Variants in GNPNAT1 observed in about 807,000 individuals in gnomAD.
GNPNAT1 encodes glucosamine-phosphate N-acetyltransferase 1.
GNPNAT1 carries 11 observed loss-of-function variants against 19.8 expected under a neutral mutation model. The observed-to-expected ratio is 0.56, with a 90% CI of 0.35 to 0.92. The LOEUF (loss-of-function observed/expected upper bound fraction) is 0.92, where lower values mean the gene tolerates loss of function less well. Among genes scored for constraint, GNPNAT1 ranks in the 40% least tolerant of loss-of-function variants. The pLI, the probability that GNPNAT1 is intolerant of heterozygous loss-of-function variation, is 0.01. For synonymous variants in GNPNAT1, 71 were observed against 72.3 expected (o/e 0.98, Z 0.09); for missense variants, 157 against 211.0 (o/e 0.74, Z 1.59).
chr14:52,783,741 C>T (rs1882948412), intron 2 of GNPNAT1, among the ~76,000 whole-genome samples: 1 of 152,030 alleles, frequency 6.6e-6, no homozygotes, highest in South Asian at 2.1e-4. Context: ...TATTTATAGA[C>T]CCAGAACATA....
At chr14:52,789,891 G>A (rs1270298520) in intron 1 of GNPNAT1, among the ~76,000 whole-genome samples, 1 of 147,882 alleles carries the variant, frequency 6.8e-6, no homozygotes, top group East Asian at 2.0e-4. Context: ...GCGTTTAGAA[G>A]ACCCGTTTAA....
At chr14:52,789,995 A>G (rs1040023476) in intron 1 of GNPNAT1, among the ~76,000 whole-genome samples, 1 of 124,788 alleles carries the variant, frequency 8.0e-6, no homozygotes, top group Non-Finnish European at 1.8e-5. Context: ...ACAAAAAAAA[A>G]AAAAAAAAAA....
intron 3 of GNPNAT1, among the ~76,000 whole-genome samples, chr14:52,782,506 A>G (rs999117723): frequency 2.6e-5 from 4 of 152,146 alleles, no homozygotes; most frequent in Non-Finnish European, 4.4e-5. Flanking sequence ...CATAGCAAAT[A>G]GGTGCAAAGA....
chr14:52,782,704 A>C (rs1474574820), intron 3 of GNPNAT1, among the ~76,000 whole-genome samples: 1 of 152,110 alleles, frequency 6.6e-6, no homozygotes, highest in East Asian at 1.9e-4. Context: ...GAATGAAAAT[A>C]AACAATGAGA....
intron 1 of GNPNAT1, among the ~76,000 whole-genome samples, chr14:52,786,857 AT>A (rs567085170): frequency 0.028 from 2,730 of 97,804 alleles, 4 homozygotes; most frequent in Non-Finnish European, 0.035. Flanking sequence ...CAGGTTTTGG[AT>A]TTTTTTTTTT....
chr14:52,786,469 G>A (rs1241547144), intron 1 of GNPNAT1, among the ~76,000 whole-genome samples: 1 of 151,926 alleles, frequency 6.6e-6, no homozygotes, highest in Non-Finnish European at 1.5e-5. Flanking sequence ...ACACCATTGC[G>A]TTCCAGCCTG....
At chr14:52,778,517 T>C (rs1594889948) in intron 5 of GNPNAT1, 59 bp from the exon 6 acceptor site, 1 of 1,391,072 alleles carries the variant, frequency 7.2e-7, no homozygotes, top group Non-Finnish European at 9.9e-7. Context: ...AAATTGATTC[T>C]AGTAACAATA....
chr14:52,782,765 A>G (rs946255387), intron 3 of GNPNAT1, among the ~76,000 whole-genome samples: 5 of 152,070 alleles, frequency 3.3e-5, no homozygotes, highest in Admixed American at 6.6e-5. Flanking sequence ...ATTCAATACA[A>G]AATTCCCTAT....
chr14:52,781,901 C>T lies in GNPNAT1; in HGVS notation c.228G>A (p.Glu76=). 2 of 1,605,854 alleles carry T rather than the reference C, an allele frequency of 1.2e-6. No individual in the cohort carries two copies. Among genetic ancestry groups the T allele is most frequent in the Non-Finnish European group, 1.7e-6 (2 of 1,177,136 alleles). The change falls in exon 4 of 6, where the codon GAG becomes GAA. Residue 76 remains glutamate (E), a synonymous_variant. Coordinates refer to ENST00000216410, the MANE Select transcript of GNPNAT1 (RefSeq NM_198066.4). ...AATAATCCCCAGATTTCTTCATATG[C>T]TCAAAAGATTCTGTGGAAATTGGAT... The part of the protein sequence containing the change: ...VSPEQFMKSF[E]HMKKSGDYYV...
chr14:52,775,882 C>T lies in GNPNAT1; in HGVS notation c.*2429G>A, dbSNP rs1440384600. The T allele has an allele frequency of 6.6e-6, 1 of 152,150 alleles. No individual in the cohort carries two copies. Among genetic ancestry groups the T allele is most frequent in the Non-Finnish European group, 1.5e-5 (1 of 68,180 alleles). 9.4% of individuals were successfully genotyped at this position (152,150 alleles called of 1,614,324 possible). ...TGGGTGATGGAGTGGGACAGTGTCT[C>T]TTTAAAAAATGTGGGCCAGGTGCAG... On this transcript the variant is annotated 3_prime_UTR_variant, in exon 6 of 6. Coordinates refer to ENST00000216410, the MANE Select transcript of GNPNAT1 (RefSeq NM_198066.4).
chr14:52,781,194 A>ACCTTTTC (rs1256125866), intron 4 of GNPNAT1, among the ~76,000 whole-genome samples: 2 of 152,148 alleles, frequency 1.3e-5, no homozygotes, highest in African/African-American at 2.4e-5. Flanking sequence ...CCAAAATGTA[A>ACCTTTTC]CCTTTTCATG....
chr14:52,785,908 C>A (rs1458290626), intron 1 of GNPNAT1, among the ~76,000 whole-genome samples: 1 of 150,658 alleles, frequency 6.6e-6, no homozygotes, highest in Non-Finnish European at 1.5e-5. Flanking sequence ...CCACCACGCC[C>A]AGCTAGTTTT....
chr14:52,783,283 C>G (rs899043107), intron 3 of GNPNAT1, 140 bp downstream of exon 3: 7 of 578,270 alleles, frequency 1.2e-5, no homozygotes, highest in Admixed American at 3.6e-5. Flanking sequence ...CCACATTAAA[C>G]ATTTGTATAA....
chr14:52,789,395 T>C (rs543536569), intron 1 of GNPNAT1, among the ~76,000 whole-genome samples: 1 of 152,218 alleles, frequency 6.6e-6, no homozygotes, highest in African/African-American at 2.4e-5. Context: ...AAGCAGCACT[T>C]AGAACCTACA....
At chr14:52,784,887 AG>A (rs2139968848) in intron 1 of GNPNAT1, among the ~76,000 whole-genome samples, 1 of 151,758 alleles carries the variant, frequency 6.6e-6, no homozygotes, top group South Asian at 2.1e-4. Flanking sequence ...TGACTAAATT[AG>A]TAAGTTTTAA....
chr14:52,790,317 G>T (rs1245619516), intron 1 of GNPNAT1, among the ~76,000 whole-genome samples: 1 of 152,140 alleles, frequency 6.6e-6, no homozygotes, highest in Non-Finnish European at 1.5e-5. Flanking sequence ...AGCTCCTGGG[G>T]AACCTTCTAA....
In GNPNAT1 at chr14:52,780,451, G is replaced by T. The variant is rs556463973; in HGVS notation, c.407+228C>A. ...ACGAGAGCATTACTATAAAAAGTTA[G>T]TAATTTAAAGATGTTACTGTCTGTA... On this transcript the variant is annotated intron_variant, in intron 5 of 5. Coordinates refer to ENST00000216410, the MANE Select transcript of GNPNAT1 (RefSeq NM_198066.4). 7.2e-5 allele frequency among the ~76,000 whole-genome samples: 11 copies of T among 152,186 alleles called. No individual in the cohort carries two copies. In the South Asian group the frequency reaches 1.5e-3, roughly 20 times the overall value.
At chr14:52,780,036 G>T (rs1373781988) in intron 5 of GNPNAT1, among the ~76,000 whole-genome samples, 2 of 152,022 alleles carry the variant, frequency 1.3e-5, no homozygotes. Flanking sequence ...GCCAGGTGTG[G>T]CGTGTACCTG....
At chr14:52,783,948 T>C (rs1882952368) in intron 2 of GNPNAT1, among the ~76,000 whole-genome samples, 1 of 152,144 alleles carries the variant, frequency 6.6e-6, no homozygotes, top group Non-Finnish European at 1.5e-5. Flanking sequence ...TTACCGGAAA[T>C]TGATGTGAAC....
Sources: gnomAD v4.1 joint callset for allele counts (sites outside exome capture counted in the v4.1 genomes callset) on GRCh38, gnomAD v4.1.1 for gene constraint, MANE v1.5 for transcripts, NCBI Gene and HGNC (gene_info 2026-07-23, HGNC 2026-07-21) for gene names.